The following SRP68 variants were observed in gnomAD, a reference collection of about 807,000 sequenced individuals.
SRP68 encodes signal recognition particle subunit SRP68.
In SRP68, 15 loss-of-function variants were observed where a neutral mutation model predicts 82.2. The ratio of observed to expected loss-of-function variants is 0.18; its 90% CI spans 0.12 to 0.28. SRP68 has a LOEUF of 0.28. SRP68 is among the 10% of genes least tolerant of loss of function. The pLI is 1.00. For missense variants in SRP68, 595 were observed against 780.5 expected, an observed-to-expected ratio of 0.76 and a Z score of 2.83; for synonymous variants, 261 against 292.6, an observed-to-expected ratio of 0.89 and a Z score of 1.10.
Position 76,072,247 on chromosome 17 carries a change from C to G in SRP68, c.184+61G>C. 2 of 1,600,554 alleles carry G rather than the reference C, an allele frequency of 1.2e-6. No individual in the cohort carries two copies. Among genetic ancestry groups the G allele is most frequent in the Non-Finnish European group, 8.5e-7 (1 of 1,176,130 alleles). On this transcript the variant is annotated intron_variant, in intron 1 of 15. Transcript: ENST00000307877. This position sits in a 1 kb window ranked among gnomAD's most constrained non-coding sequence, Gnocchi z 4.5. ...TTGTCGGGACCCGCCGCCTCTCCCG[C>G]CCCCAGCCCTCCAGTTCGACACGTA...
intron 9 of SRP68, 99 bp downstream of exon 9, chr17:76,050,329 G>T: frequency 2.5e-6 from 2 of 811,060 alleles, no homozygotes; most frequent in South Asian, 2.9e-5. Context: ...GTGGCCAAGC[G>T]AGCAGTGCAC....
chr17:76,050,293 C>T, intron 9 of SRP68, 135 bp downstream of exon 9: 1 of 620,164 alleles, frequency 1.6e-6, no homozygotes. Flanking sequence ...CTTACGACCT[C>T]ACCTCAAAAA....
chr17:76,069,491 G>C (rs947982545), intron 2 of SRP68, among the ~76,000 whole-genome samples: 7 of 152,034 alleles, frequency 4.6e-5, no homozygotes, highest in Non-Finnish European at 1.0e-4. Context: ...GAGGCAGGTG[G>C]ATCACCTGAG....
intron 5 of SRP68, 136 bp from the exon 6 acceptor site, chr17:76,061,355 A>G (rs1159564296): frequency 5.2e-6 from 5 of 970,066 alleles, no homozygotes; most frequent in Non-Finnish European, 7.9e-6. Flanking sequence ...TCTAAGGTTG[A>G]AAGAGAATCA....
At chr17:76,055,097 C>T (rs1360177090) in intron 8 of SRP68, among the ~76,000 whole-genome samples, 2 of 151,580 alleles carry the variant, frequency 1.3e-5, no homozygotes, top group African/African-American at 4.8e-5. Flanking sequence ...GCTGGGATTA[C>T]AGACGTCTAC....
At chr17:76,055,547 A>C (rs1435687486) in intron 8 of SRP68, among the ~76,000 whole-genome samples, 1 of 151,434 alleles carries the variant, frequency 6.6e-6, no homozygotes, top group Non-Finnish European at 1.5e-5. Context: ...CGAGGGCAGG[A>C]GTTTGAGACC....
intron 8 of SRP68, among the ~76,000 whole-genome samples, chr17:76,051,958 A>G (rs754998428): frequency 5.3e-4 from 80 of 152,192 alleles, no homozygotes; most frequent in Admixed American, 9.8e-4. Flanking sequence ...CCCAGGCTGG[A>G]GTATAGTGCC....
intron 4 of SRP68, among the ~76,000 whole-genome samples, chr17:76,062,323 G>T (rs1278397684): frequency 6.8e-6 from 1 of 147,192 alleles, no homozygotes; most frequent in African/African-American, 2.5e-5. Context: ...AGGTGTGGTG[G>T]TGTGCACCTC....
At chr17:76,049,671 T>C (rs183925260) in intron 9 of SRP68, 5 of 152,332 alleles carry the variant, frequency 3.3e-5, no homozygotes, top group Admixed American at 2.6e-4. Context: ...TCTATTTCTA[T>C]TTATCTCATT....
At chr17:76,043,781 C>T in intron 13 of SRP68, 48 bp downstream of exon 13, 3 of 1,541,022 alleles carry the variant, frequency 1.9e-6, no homozygotes. Context: ...CCACAGCTGA[C>T]TCCATAACCT....
chr17:76,040,840 G>T, intron 14 of SRP68, 63 bp downstream of exon 14: 1 of 1,465,652 alleles, frequency 6.8e-7, no homozygotes, highest in South Asian at 1.1e-5. Flanking sequence ...TATGGGGTGT[G>T]ACAGAGAAGG....
intron 8 of SRP68, among the ~76,000 whole-genome samples, chr17:76,054,778 A>C (rs2066700681): frequency 6.6e-6 from 1 of 151,948 alleles, no homozygotes. Flanking sequence ...AGCTGAGATC[A>C]CACCATTGCA....
At position 76,051,634 on chromosome 17, in the gene SRP68, GA is replaced by G. The variant is rs934335655; in HGVS notation, c.979-1109del. ...CTTCTCTTTTCTTAGTCTCCAGTGT[GA>G]AAAAAAAAATCTTCCTTGTAACTTA... On this transcript the variant is annotated intron_variant, in intron 8 of 15. Transcript: ENST00000307877. Among the ~76,000 whole-genome samples, 37 of 150,090 alleles carry G rather than the reference GA, an allele frequency of 2.5e-4. No individual in the cohort carries two copies. The East Asian group carries it at 2.7e-3, about 11-fold the overall frequency.
Position 76,052,758 on chromosome 17 carries a change from C to G in SRP68, c.979-2232G>C, listed in dbSNP as rs1303410830. Among the ~76,000 whole-genome samples the G allele has an allele frequency of 2.0e-5, 3 of 149,274 alleles. No homozygotes were observed. The East Asian group carries it at 5.9e-4, about 29-fold the overall frequency. Reference sequence around the variant, plus strand: ...GGCGGAGGTTTCAGTGAGCCGAGATCGCGCCACTGCACTCCAGCCTGGGCG... The same window carrying G: ...GGCGGAGGTTTCAGTGAGCCGAGATGGCGCCACTGCACTCCAGCCTGGGCG... On this transcript the variant is annotated intron_variant, in intron 8 of 15. Transcript: ENST00000307877.
intron 6 of SRP68, chr17:76,060,738 G>T: frequency 3.0e-6 from 1 of 334,544 alleles, no homozygotes; most frequent in East Asian, 6.1e-5. Flanking sequence ...TCTGGTGGGG[G>T]AAGATGCTAA....
Position 76,058,997 on chromosome 17 carries a change from T to G in SRP68, c.837+1311A>C, listed in dbSNP as rs1356931738. Among the ~76,000 whole-genome samples, 4 of 152,266 alleles carry G rather than the reference T, an allele frequency of 2.6e-5. No homozygotes were observed. In the South Asian group the frequency reaches 8.3e-4, roughly 32 times the overall value. Reference sequence around the variant, plus strand: ...GTGATCCCCTGTGATCCCAGCACTTTGGGAGGCTAAGGCGAACAGATTGCT... The same window carrying G: ...GTGATCCCCTGTGATCCCAGCACTTGGGGAGGCTAAGGCGAACAGATTGCT... On this transcript the variant is annotated intron_variant, in intron 7 of 15. Coordinates refer to ENST00000307877, the MANE Select transcript of SRP68 (RefSeq NM_014230.4).
At chr17:76,070,261 A>C (rs755666065) in intron 2 of SRP68, 117 bp downstream of exon 2, 5 of 821,028 alleles carry the variant, frequency 6.1e-6, no homozygotes, top group Admixed American at 2.8e-5. Context: ...AACAAACAAA[A>C]AAAACAATGC....
Position 76,047,951 on chromosome 17 carries a change from A to T in SRP68, c.1097T>A (p.Leu366His), listed in dbSNP as rs2066643873. Residue 366 changes from leucine (L) to histidine (H), a missense_variant, in exon 10 of 16, where the codon CTT becomes CAT. By Grantham distance (99) the Leu-to-His change is moderately conservative (BLOSUM62 -3). This residue lies in a region of SRP68 where 495 missense variants were observed against 688.6 expected (regional missense o/e 0.72). Transcript: ENST00000307877. ...KPDQKQRDYI[L>H]EGEPGKVSNL... The stretch of plus-strand genomic sequence containing the variant: ...AGACACCTTCCCTGGCTCTCCTTCA[A>T]GGATATAATCTCTCTGTTTCTGCAG... The T allele has an allele frequency of 6.3e-7, 1 of 1,579,138 alleles. No individual in the cohort carries two copies. The highest frequency in any genetic ancestry group is 1.3e-5 in the African/African-American group (1 of 74,264).
intron 8 of SRP68, among the ~76,000 whole-genome samples, chr17:76,054,325 G>A (rs1403764906): frequency 6.6e-6 from 1 of 152,126 alleles, no homozygotes; most frequent in Non-Finnish European, 1.5e-5. Flanking sequence ...GACACACAAG[G>A]CAAGTCTGAC....
Sources: allele counts gnomAD v4.1 joint callset (sites outside exome capture counted in the v4.1 genomes callset), GRCh38; gene constraint gnomAD v4.1.1; regional missense constraint gnomAD v4.1.1; non-coding constraint Gnocchi (gnomAD v3.1); transcripts MANE v1.5; gene names NCBI Gene and HGNC (gene_info 2026-07-23, HGNC 2026-07-21).